The following STRBP variants were observed in gnomAD, a reference collection of about 807,000 sequenced individuals.
STRBP encodes spermatid perinuclear RNA-binding protein.
Under a neutral mutation model 80.1 loss-of-function variants are expected in STRBP, and 13 were observed. That is an observed-to-expected ratio of 0.16 (90% CI 0.11 to 0.26). STRBP has a LOEUF of 0.26. Among genes scored for constraint, STRBP ranks in the 10% least tolerant of loss-of-function variants. The pLI, the probability that STRBP is intolerant of heterozygous loss-of-function variation, is 1.00. For synonymous variants in STRBP, 284 were observed against 291.2 expected, an observed-to-expected ratio of 0.98 and a Z score of 0.25; for missense variants, 485 against 815.2, an observed-to-expected ratio of 0.59 and a Z score of 4.93.
intron 1 of STRBP, among the ~76,000 whole-genome samples, chr9:123,239,482 T>C (rs1255461464): frequency 6.6e-6 from 1 of 152,138 alleles, no homozygotes; most frequent in African/African-American, 2.4e-5. Flanking sequence ...CAAAGGCCTG[T>C]CCCAATGACA....
At chr9:123,186,813 T>C (rs1481327890) in intron 2 of STRBP, among the ~76,000 whole-genome samples, 3 of 79,276 alleles carry the variant, frequency 3.8e-5, no homozygotes, top group African/African-American at 8.6e-5. Flanking sequence ...CTTTTAAGAG[T>C]TTTTCTTTTT....
chr9:123,129,197 A>C (rs2036025986), intron 17 of STRBP, among the ~76,000 whole-genome samples: 1 of 152,032 alleles, frequency 6.6e-6, no homozygotes, highest in Non-Finnish European at 1.5e-5. Context: ...TCTCTACAGA[A>C]AAACAAAAAA....
At position 123,252,537 on chromosome 9, in the gene STRBP, A is replaced by G. The variant is rs926644472; in HGVS notation, c.-301-15571T>C. Among the ~76,000 whole-genome samples, 8 of 152,350 alleles carry G rather than the reference A, an allele frequency of 5.3e-5. No individual in the cohort carries two copies. In the South Asian group the frequency reaches 1.7e-3, roughly 32 times the overall value. The stretch of plus-strand genomic sequence containing the variant: ...ATGTGTAATATTTGAGCCAAGCTAC[A>G]AGGGCATTTTAAAACTTTTAAATAA... On this transcript the variant is annotated intron_variant, in intron 1 of 18. Coordinates refer to ENST00000348403, the MANE Select transcript of STRBP (RefSeq NM_018387.5).
Position 123,110,779 on chromosome 9 carries a change from A to G in STRBP, c.*85-1026T>C, listed in dbSNP as rs957531239. The G allele has an allele frequency of 6.5e-5, 11 of 169,202 alleles. No individual in the cohort carries two copies. The highest frequency in any genetic ancestry group is 2.4e-4 in the African/African-American group (10 of 41,518). 10.5% of individuals were successfully genotyped at this position (169,202 alleles called of 1,614,324 possible). ...TCGGAGGCCTACAATTTGGCTCCCCAGTAACATTTCTAAAAATGAGCCCTC... is the reference window on the plus strand; with the variant it reads ...TCGGAGGCCTACAATTTGGCTCCCCGGTAACATTTCTAAAAATGAGCCCTC... On this transcript the variant is annotated intron_variant and NMD_transcript_variant, in intron 3 of 3. Coordinates refer to the STRBP transcript ENST00000471564. The surrounding 1 kb of genome is among the most constrained non-coding windows in gnomAD (Gnocchi z 4.1).
At chr9:123,224,349 C>T (rs1212817978) in intron 2 of STRBP, among the ~76,000 whole-genome samples, 1 of 152,208 alleles carries the variant, frequency 6.6e-6, no homozygotes, top group Non-Finnish European at 1.5e-5. Context: ...CATTAACTCT[C>T]TCGCAGTTCA....
chr9:123,152,064 T>A (rs1201572116), intron 11 of STRBP, among the ~76,000 whole-genome samples: 3 of 152,144 alleles, frequency 2.0e-5, no homozygotes. Flanking sequence ...TTAGTTGAAA[T>A]GGATAAATTC....
chr9:123,181,793 T>C (rs143968210), intron 3 of STRBP, among the ~76,000 whole-genome samples: 1,425 of 26,254 alleles, frequency 0.054, 30 homozygotes, highest in African/African-American at 0.18. Context: ...AGAGCAAAAC[T>C]TCGTCTCAAA....
intron 2 of STRBP, among the ~76,000 whole-genome samples, chr9:123,216,764 T>A (rs960931910): frequency 5.9e-5 from 9 of 152,230 alleles, no homozygotes; most frequent in Non-Finnish European, 1.0e-4. Flanking sequence ...GAGCCTTCAT[T>A]TTTTATCTCC....
chr9:123,223,967 C>T (rs1052182150), intron 2 of STRBP, among the ~76,000 whole-genome samples: 5 of 152,192 alleles, frequency 3.3e-5, no homozygotes, highest in East Asian at 1.9e-4. Context: ...AAGAAGAGTA[C>T]GCAAGGTGCT....
intron 2 of STRBP, among the ~76,000 whole-genome samples, chr9:123,213,106 G>A (rs933082862): frequency 6.6e-6 from 1 of 152,140 alleles, no homozygotes; most frequent in African/African-American, 2.4e-5. Flanking sequence ...CCACCTATGT[G>A]CTCCCAAGGC....
downstream of STRBP, among the ~76,000 whole-genome samples, chr9:123,117,819 TATAAGCTAAGTGAAAACAC>T (rs1434909686): frequency 6.6e-6 from 1 of 152,180 alleles, no homozygotes; most frequent in Non-Finnish European, 1.5e-5. Flanking sequence ...ACTCGGAAAA[TATAAGCTAAGTGAAAACAC>T]ATACCTCAGA....
intron 4 of STRBP, among the ~76,000 whole-genome samples, chr9:123,174,322 C>T (rs2038129357): frequency 6.6e-6 from 1 of 152,166 alleles, no homozygotes; most frequent in Non-Finnish European, 1.5e-5. Context: ...CCTGTAGTGC[C>T]AGCTATTCAA....
Position 123,215,887 on chromosome 9 carries a change from A to G in STRBP, c.-165+20943T>C, listed in dbSNP as rs111564685. Among the ~76,000 whole-genome samples, 611 of 152,358 alleles carry G rather than the reference A, an allele frequency of 4.0e-3. 9 individuals are homozygous for G. Among genetic ancestry groups the G allele is most frequent in the African/African-American group, 0.014 (573 of 41,582 alleles). ...CTTCCAAGTTCGATTCTGGATTCTT[A>G]TATTTCCAAAGCACAAAGTTAGGTC... is the stretch of plus-strand genomic sequence containing the variant. On this transcript the variant is annotated intron_variant, in intron 2 of 18. Coordinates refer to ENST00000348403, the MANE Select transcript of STRBP (RefSeq NM_018387.5).
intron 7 of STRBP, among the ~76,000 whole-genome samples, chr9:123,160,761 G>A (rs970741883): frequency 6.6e-6 from 1 of 152,098 alleles, no homozygotes. Context: ...CTGAAATTCA[G>A]AATACTAAGC....
intron 12 of STRBP, 144 bp downstream of exon 12, chr9:123,147,634 C>T (rs1051708066): frequency 2.1e-5 from 13 of 615,470 alleles, no homozygotes; most frequent in African/African-American, 5.8e-5. Flanking sequence ...GCCGAGATCG[C>T]GCCACTGCAC....
chr9:123,237,305 T>C (rs2040590490), intron 1 of STRBP, among the ~76,000 whole-genome samples: 1 of 152,164 alleles, frequency 6.6e-6, no homozygotes. Context: ...GAGTTGTAGC[T>C]AGGACAAGGC....
chr9:123,181,461 C>T (rs1286124462), intron 3 of STRBP, among the ~76,000 whole-genome samples: 1 of 152,166 alleles, frequency 6.6e-6, no homozygotes, highest in African/African-American at 2.4e-5. Context: ...AAAAATGTTA[C>T]ATCTAACATT....
intron 2 of STRBP, among the ~76,000 whole-genome samples, chr9:123,232,025 T>TA (rs1441885745): frequency 6.6e-6 from 1 of 152,168 alleles, no homozygotes; most frequent in Non-Finnish European, 1.5e-5. Flanking sequence ...AAACCCAACT[T>TA]AGCCAGCTGG....
At chr9:123,258,599 C>T (rs535075231) in intron 1 of STRBP, among the ~76,000 whole-genome samples, 23 of 151,950 alleles carry the variant, frequency 1.5e-4, no homozygotes, top group Non-Finnish European at 2.8e-4. Context: ...GTCAGGAAAT[C>T]GAGACCATCC....
Sources: allele counts gnomAD v4.1 joint callset (sites outside exome capture counted in the v4.1 genomes callset), GRCh38; gene constraint gnomAD v4.1.1; non-coding constraint Gnocchi (gnomAD v3.1); transcripts MANE v1.5; gene names NCBI Gene and HGNC (gene_info 2026-07-23, HGNC 2026-07-21).